The following ITGB5 variants were observed in gnomAD, a reference collection of about 807,000 sequenced individuals.
ITGB5 encodes the protein integrin subunit beta 5, also known as integrin beta-5.
ITGB5 carries 38 observed loss-of-function variants against 84.8 expected under a neutral mutation model. That is an observed-to-expected ratio of 0.45 (90% CI 0.35 to 0.59). ITGB5 has a LOEUF of 0.59. Ranked by LOEUF, ITGB5 falls within the 20% of genes least tolerant of loss-of-function variation. The pLI is 0.01. For missense variants in ITGB5, 905 were observed against 1,034.5 expected, an observed-to-expected ratio of 0.87 and a Z score of 1.72; for synonymous variants, 393 against 414.4, an observed-to-expected ratio of 0.95 and a Z score of 0.63.
At chr3:124,780,401 T>C (rs1041101037) in intron 10 of ITGB5, among the ~76,000 whole-genome samples, 1 of 152,224 alleles carries the variant, frequency 6.6e-6, no homozygotes, top group Non-Finnish European at 1.5e-5. Context: ...CTCAGTGTTA[T>C]AACCAGGCAG....
chr3:124,798,132 A>G (rs1448937507), intron 9 of ITGB5, among the ~76,000 whole-genome samples: 1 of 138,778 alleles, frequency 7.2e-6, no homozygotes, highest in East Asian at 2.2e-4. Flanking sequence ...AGCTCACTGC[A>G]ATCTCCACCT....
At chr3:124,900,041 C>G (rs1001320766) in intron 1 of ITGB5, among the ~76,000 whole-genome samples, 1 of 152,064 alleles carries the variant, frequency 6.6e-6, no homozygotes, top group Non-Finnish European at 1.5e-5. Context: ...GACGATGAAG[C>G]CTGTGTTTCA....
chr3:124,787,942 C>A (rs552243614), intron 10 of ITGB5, among the ~76,000 whole-genome samples: 1 of 138,412 alleles, frequency 7.2e-6, no homozygotes, highest in Non-Finnish European at 1.5e-5. Flanking sequence ...GGGTCTTGCT[C>A]TGTTGCCCAG....
chr3:124,889,283 C>G (rs1223766173), upstream of ITGB5, among the ~76,000 whole-genome samples: 1 of 152,190 alleles, frequency 6.6e-6, no homozygotes, highest in Non-Finnish European at 1.5e-5. Context: ...ATTGTGTATT[C>G]AGTGGAAGGC....
At position 124,769,035 on chromosome 3, in the gene ITGB5, C is replaced by T. The variant is rs2063805158; in HGVS notation, c.1995G>A (p.Val665=). Residue 665 remains valine (V), a synonymous_variant, in exon 12 of 15, where the codon GTG becomes GTA. Transcript: ENST00000296181. ...QTCHSLCRDE[V]ITWVDTIVKD... is the part of the protein sequence containing the mutation. ...CACCGATGGTGTCCACCCATGTGAT[C>T]ACCTCATCCCTGCATAGGCTGTGGC... is the stretch of plus-strand genomic sequence containing the variant. The T allele has an allele frequency of 5.6e-6, 9 of 1,613,714 alleles. No homozygotes were observed. The highest frequency in any genetic ancestry group is 7.6e-6 in the Non-Finnish European group (9 of 1,179,952).
chr3:124,783,088 C>T (rs544452856), intron 10 of ITGB5, among the ~76,000 whole-genome samples: 26 of 151,154 alleles, frequency 1.7e-4, no homozygotes, highest in African/African-American at 2.9e-4. Context: ...GTCAGGAGTT[C>T]GAGACAAACC....
intron 5 of ITGB5, among the ~76,000 whole-genome samples, chr3:124,821,701 A>G (rs2064706560): frequency 6.6e-6 from 1 of 152,214 alleles, no homozygotes; most frequent in Non-Finnish European, 1.5e-5. Context: ...CAAATGTCCA[A>G]GTCTTTGCCC....
chr3:124,825,839 A>G (rs2064778394), intron 5 of ITGB5, among the ~76,000 whole-genome samples: 1 of 152,202 alleles, frequency 6.6e-6, no homozygotes, highest in Non-Finnish European at 1.5e-5. Context: ...ATTCTACTTC[A>G]GGGGAATCTA....
chr3:124,828,026 G>A (rs2064808484), intron 5 of ITGB5, among the ~76,000 whole-genome samples: 1 of 148,466 alleles, frequency 6.7e-6, no homozygotes, highest in Non-Finnish European at 1.5e-5. Context: ...TCTCTTTTCA[G>A]ACTCAGCCTG....
chr3:124,880,736 T>C (rs1347313958), intron 1 of ITGB5, among the ~76,000 whole-genome samples: 2 of 152,088 alleles, frequency 1.3e-5, no homozygotes, highest in Non-Finnish European at 2.9e-5. Context: ...AAGACCAACC[T>C]GGCCTACATC....
At chr3:124,886,809 G>T in intron 1 of ITGB5, 122 bp downstream of exon 1, 1 of 448,322 alleles carries the variant, frequency 2.2e-6, no homozygotes, top group Non-Finnish European at 3.4e-6. Flanking sequence ...GCCCACCAGG[G>T]AGTGCCCCGA....
chr3:124,898,842 G>A (rs1400040975), intron 1 of ITGB5, among the ~76,000 whole-genome samples: 3 of 149,902 alleles, frequency 2.0e-5, no homozygotes, highest in Non-Finnish European at 4.4e-5. Flanking sequence ...TTGGGAGGCC[G>A]AGGCAGGCGG....
intron 9 of ITGB5, among the ~76,000 whole-genome samples, chr3:124,807,914 C>T (rs796758955): frequency 1.0e-4 from 13 of 128,444 alleles, no homozygotes; most frequent in African/African-American, 3.9e-4. Flanking sequence ...TGCACTCCAG[C>T]CTGGGCGACA....
At chr3:124,838,651 G>A (rs1172054015) in intron 5 of ITGB5, among the ~76,000 whole-genome samples, 2 of 151,980 alleles carry the variant, frequency 1.3e-5, no homozygotes, top group Non-Finnish European at 2.9e-5. Context: ...GCCCAGGCTG[G>A]AGTGCAGTGG....
intron 10 of ITGB5, among the ~76,000 whole-genome samples, chr3:124,785,504 G>A (rs1384696646): frequency 6.6e-6 from 1 of 150,530 alleles, no homozygotes; most frequent in Non-Finnish European, 1.5e-5. Flanking sequence ...AGAATTGCGT[G>A]AACCCGGGAG....
chr3:124,772,372 A>T (rs1396387565), intron 11 of ITGB5, among the ~76,000 whole-genome samples: 1 of 152,166 alleles, frequency 6.6e-6, no homozygotes, highest in African/African-American at 2.4e-5. Flanking sequence ...CAAATGTCCA[A>T]CCAGGGGTTC....
intron 3 of ITGB5, among the ~76,000 whole-genome samples, chr3:124,856,205 T>C (rs1294371474): frequency 2.0e-4 from 31 of 152,166 alleles, no homozygotes; most frequent in Admixed American, 2.0e-3. Flanking sequence ...TCTCTAACTC[T>C]TCTACAGGAA....
intron 10 of ITGB5, among the ~76,000 whole-genome samples, chr3:124,777,993 C>CAAT (rs1425029975): frequency 1.3e-5 from 2 of 152,200 alleles, no homozygotes; most frequent in Non-Finnish European, 2.9e-5. Flanking sequence ...TCCCAAGGAT[C>CAAT]AATAACCTAT....
intron 3 of ITGB5, among the ~76,000 whole-genome samples, chr3:124,853,982 C>T (rs974835386): frequency 2.0e-5 from 3 of 152,144 alleles, no homozygotes; most frequent in African/African-American, 7.2e-5. Context: ...TCAAAACCAC[C>T]TTTAGCTTTT....
Sources: allele counts gnomAD v4.1 joint callset (sites outside exome capture counted in the v4.1 genomes callset), GRCh38; gene constraint gnomAD v4.1.1; transcripts MANE v1.5; gene names NCBI Gene and HGNC (gene_info 2026-07-23, HGNC 2026-07-21).